TAFA5: variants seen among roughly 807,000 people sequenced by gnomAD.
TAFA5 encodes the protein TAFA chemokine like family member 5, also known as chemokine-like protein TAFA-5.
In TAFA5, 6 loss-of-function variants were observed where a neutral mutation model predicts 15.3. The observed-to-expected ratio is 0.39, with a 90% confidence interval of 0.21 to 0.77. The LOEUF (loss-of-function observed/expected upper bound fraction) is 0.77, where lower values mean the gene tolerates loss of function less well. TAFA5 is among the 30% of genes least tolerant of loss of function. The pLI is 0.41. For synonymous variants in TAFA5, 103 were observed against 80.7 expected (o/e 1.28, Z -1.48); for missense variants, 161 against 193.1 (o/e 0.83, Z 0.98).
chr22:48,716,477 A>C (rs1360553058), intron 3 of TAFA5, among the ~76,000 whole-genome samples: 1 of 152,222 alleles, frequency 6.6e-6, no homozygotes, highest in Non-Finnish European at 1.5e-5. Context: ...ATGAGAACAC[A>C]TGGACACCAG....
At chr22:48,664,948 G>A (rs988534705) in intron 2 of TAFA5, among the ~76,000 whole-genome samples, 1 of 152,194 alleles carries the variant, frequency 6.6e-6, no homozygotes, top group Non-Finnish European at 1.5e-5. Context: ...CTTATCTCCA[G>A]CATTCGCCTT....
At chr22:48,689,234 C>T (rs1367334814) in intron 2 of TAFA5, among the ~76,000 whole-genome samples, 2 of 152,096 alleles carry the variant, frequency 1.3e-5, no homozygotes, top group Non-Finnish European at 1.5e-5. Context: ...GTCTGCACGC[C>T]GTATGCAGCG....
At chr22:48,631,806 C>T (rs1316273129) in intron 1 of TAFA5, among the ~76,000 whole-genome samples, 2 of 152,254 alleles carry the variant, frequency 1.3e-5, no homozygotes, top group South Asian at 4.1e-4. Flanking sequence ...TCTGCGTGGC[C>T]GTGTGGGAAG....
chr22:48,566,335 G>C lies in TAFA5; in HGVS notation c.112+76631G>C, dbSNP rs989451605. ...TAGATGGATGGATGGACGATGGGTG[G>C]ATGATGAATGGATGGTGATGGGTGG... On this transcript the variant is annotated intron_variant, in intron 1 of 3. Transcript: ENST00000402357. This position sits in a 1 kb window ranked among gnomAD's most constrained non-coding sequence, Gnocchi z 4.5. 1.3e-5 allele frequency among the ~76,000 whole-genome samples: 2 copies of C among 151,646 alleles called. No homozygotes were observed. The highest frequency in any genetic ancestry group is 4.8e-5 in the African/African-American group (2 of 41,268).
At chr22:48,548,942 A>T (rs1419005134) in intron 1 of TAFA5, among the ~76,000 whole-genome samples, 2 of 152,264 alleles carry the variant, frequency 1.3e-5, no homozygotes, top group Non-Finnish European at 2.9e-5. Flanking sequence ...TTATATCACA[A>T]GAAGCCTTCA....
chr22:48,549,849 A>C (rs1922799271), intron 1 of TAFA5, among the ~76,000 whole-genome samples: 1 of 152,226 alleles, frequency 6.6e-6, no homozygotes, highest in Non-Finnish European at 1.5e-5. Flanking sequence ...GAGATGGATG[A>C]ACAGGCAAAG....
In TAFA5 at chr22:48,751,791, T is replaced by A. The variant is rs942524918; in HGVS notation, c.*1944T>A. On this transcript the variant is annotated 3_prime_UTR_variant, in exon 4 of 4. Coordinates refer to ENST00000402357, the MANE Select transcript of TAFA5 (RefSeq NM_001082967.3). Reference sequence around the variant, plus strand: ...CGGCCTCCCCCTCGCCTGTTTCTTTTGAAAGCAAGTGTAGACACCTTCGAG... The same window carrying A: ...CGGCCTCCCCCTCGCCTGTTTCTTTAGAAAGCAAGTGTAGACACCTTCGAG... 1.0e-4 allele frequency: 16 copies of A among 152,524 alleles called. No individual in the cohort carries two copies. Among genetic ancestry groups the A allele is most frequent in the African/African-American group, 3.9e-4 (16 of 41,460 alleles). The allele number at this position is 152,524 out of a possible 1,614,324, so 9.4% of individuals were successfully genotyped here. A position where few individuals can be genotyped will look rare whatever the true frequency, so the allele number is the denominator to read the frequency against.
intron 1 of TAFA5, among the ~76,000 whole-genome samples, chr22:48,538,689 G>A (rs984068756): frequency 6.6e-6 from 1 of 152,200 alleles, no homozygotes; most frequent in Non-Finnish European, 1.5e-5. Flanking sequence ...CTACTTCCCG[G>A]CATGGTCTTG....
Position 48,637,376 on chromosome 22 carries a change from C to T in TAFA5, c.113-9221C>T, listed in dbSNP as rs937932749. ...AGCCTGGTGTGGCTGGTCTCCGCCC[C>T]GGAGCTCTGATGTCTCAGTTCGAAA... On this transcript the variant is annotated intron_variant, in intron 1 of 3. Coordinates refer to ENST00000402357, the MANE Select transcript of TAFA5 (RefSeq NM_001082967.3). 5.3e-5 allele frequency among the ~76,000 whole-genome samples: 8 copies of T among 152,192 alleles called. No homozygotes were observed. The East Asian group carries it at 5.8e-4, about 11-fold the overall frequency.
Position 48,543,326 on chromosome 22 carries a change from A to G in TAFA5, c.112+53622A>G, listed in dbSNP as rs548303714. ...GGAACTTAAAGACAAAATCCTTCAT[A>G]AAAGGATCGTAAAGTGTAATCACGG... On this transcript the variant is annotated intron_variant, in intron 1 of 3. Transcript: ENST00000402357. 3.9e-5 allele frequency: 6 copies of G among 152,324 alleles called. No homozygotes were observed. The East Asian group carries it at 9.7e-4, about 25-fold the overall frequency. 9.4% of individuals were successfully genotyped at this position (152,324 alleles called of 1,614,324 possible). A position where few individuals can be genotyped will look rare whatever the true frequency, so the allele number is the denominator to read the frequency against.
intron 1 of TAFA5, among the ~76,000 whole-genome samples, chr22:48,602,556 A>G (rs28733451): frequency 0.85 from 129,241 of 152,268 alleles, 55,293 homozygotes; most frequent in African/African-American, 0.96. Flanking sequence ...CATTTTGCAG[A>G]GAATGTTTGT....
At chr22:48,746,377 C>T (rs1930328497) in intron 3 of TAFA5, among the ~76,000 whole-genome samples, 2 of 152,098 alleles carry the variant, frequency 1.3e-5, no homozygotes, top group African/African-American at 4.8e-5. Context: ...GCCTGTGGTC[C>T]CAGTTGCTCA....
intron 2 of TAFA5, among the ~76,000 whole-genome samples, chr22:48,688,030 G>A (rs984393388): frequency 6.6e-6 from 1 of 151,260 alleles, no homozygotes; most frequent in African/African-American, 2.4e-5. Context: ...CCACTTACAT[G>A]TCTTAATGAA....
chr22:48,689,181 T>C (rs1272494987), intron 2 of TAFA5, among the ~76,000 whole-genome samples: 2 of 152,016 alleles, frequency 1.3e-5, no homozygotes, highest in East Asian at 1.9e-4. Context: ...CTAGAGCAGT[T>C]AGGGAGGCGC....
chr22:48,529,176 G>A (rs1921877450), intron 1 of TAFA5, among the ~76,000 whole-genome samples: 1 of 151,324 alleles, frequency 6.6e-6, no homozygotes, highest in Admixed American at 6.6e-5. Context: ...AGGGTGTCCA[G>A]GCAGGAGATG....
intron 3 of TAFA5, among the ~76,000 whole-genome samples, chr22:48,727,065 A>G (rs1487372308): frequency 1.3e-5 from 2 of 152,186 alleles, no homozygotes; most frequent in Non-Finnish European, 2.9e-5. Flanking sequence ...CCTTTCCTGA[A>G]CAAGTGAGGA....
chr22:48,644,514 T>G (rs1179946947), intron 1 of TAFA5, among the ~76,000 whole-genome samples: 1 of 152,164 alleles, frequency 6.6e-6, no homozygotes, highest in Admixed American at 6.5e-5. Flanking sequence ...CTGGTCACAA[T>G]CAGACACGGG....
chr22:48,505,153 G>T (rs1920981734), intron 1 of TAFA5, among the ~76,000 whole-genome samples: 1 of 152,204 alleles, frequency 6.6e-6, no homozygotes, highest in Non-Finnish European at 1.5e-5. Flanking sequence ...GATTTCTCAG[G>T]TCAGAGGAGA....
chr22:48,624,922 A>C (rs1342848840), intron 1 of TAFA5, among the ~76,000 whole-genome samples: 1 of 152,122 alleles, frequency 6.6e-6, no homozygotes, highest in Non-Finnish European at 1.5e-5. Flanking sequence ...CAACGTGGCA[A>C]AACCCTGTCT....
Sources: gnomAD v4.1 joint callset for allele counts (sites outside exome capture counted in the v4.1 genomes callset) on GRCh38, gnomAD v4.1.1 for gene constraint, Gnocchi (gnomAD v3.1) non-coding constraint, MANE v1.5 for transcripts, NCBI Gene and HGNC (gene_info 2026-07-23, HGNC 2026-07-21) for gene names.